The following NBAS variants were observed in gnomAD, a reference collection of about 807,000 sequenced individuals.
NBAS encodes the protein NAG/BC035112 fusion.
In NBAS, 219 loss-of-function variants were observed where a neutral mutation model predicts 302.5. The ratio of observed to expected loss-of-function variants is 0.72; its 90% CI spans 0.65 to 0.81. The LOEUF (loss-of-function observed/expected upper bound fraction) is 0.81, where lower values mean the gene tolerates loss of function less well. Ranked by LOEUF, NBAS falls within the 30% of genes least tolerant of loss-of-function variation. The probability of loss-of-function intolerance (pLI) is 0.00; values close to 1 mark genes in which losing one functional copy is unlikely to be tolerated. For synonymous variants in NBAS, 1,118 were observed against 1,021.6 expected (o/e 1.09, Z -1.80); for missense variants, 2,932 against 2,841.6 (o/e 1.03, Z -0.72).
At chr2:15,306,147 C>T (rs1671026138) in intron 40 of NBAS, among the ~76,000 whole-genome samples, 1 of 152,202 alleles carries the variant, frequency 6.6e-6, no homozygotes. Context: ...TTAATCACTT[C>T]AGTCCCTTAA....
intron 44 of NBAS, among the ~76,000 whole-genome samples, chr2:15,240,673 T>C (rs753982046): frequency 1.3e-5 from 2 of 151,966 alleles, no homozygotes; most frequent in South Asian, 2.1e-4. Context: ...TATATAAATA[T>C]TGATAAAAGA....
chr2:15,380,516 CAATAT>C (rs1380834112), intron 29 of NBAS, among the ~76,000 whole-genome samples: 2 of 152,024 alleles, frequency 1.3e-5, no homozygotes, highest in Non-Finnish European at 2.9e-5. Flanking sequence ...ATTAAAATTA[CAATAT>C]ATTATAATGT....
chr2:15,088,482 C>T, the NBAS span, among the ~76,000 whole-genome samples: 4,493 of 152,266 alleles, frequency 0.03, 119 homozygotes, highest in Admixed American at 0.08. Context: ...GCACTTATTT[C>T]CTCTTCTGTG....
Position 15,170,045 on chromosome 2 carries a change from ACTTT to A in NBAS, c.6841-2726_6841-2723del, listed in dbSNP as rs1325589768. On this transcript the variant is annotated intron_variant, in intron 51 of 51. Coordinates refer to ENST00000281513, the MANE Select transcript of NBAS (RefSeq NM_015909.4). ...CAGAATCTGAACACTGCAGGGCAAT[ACTTT>A]CTTTGTTGCCCTGAATACGTCTTCT... 3.9e-5 allele frequency among the ~76,000 whole-genome samples: 6 copies of A among 152,146 alleles called. No individual in the cohort carries two copies. In the East Asian group the frequency reaches 5.8e-4, roughly 15 times the overall value.
chr2:15,054,985 G>A, the NBAS span, among the ~76,000 whole-genome samples: 1 of 152,170 alleles, frequency 6.6e-6, no homozygotes, highest in Non-Finnish European at 1.5e-5. Flanking sequence ...TTAAAGTCTT[G>A]TGGCAAGGAA....
At chr2:15,461,842 G>A in intron 19 of NBAS, 51 bp from the exon 20 acceptor site, 3 of 995,574 alleles carry the variant, frequency 3.0e-6, no homozygotes, top group Non-Finnish European at 4.7e-6. Context: ...TTTTAAATAT[G>A]GGTGACAAGA....
rs772479026 is a variant in NBAS, at chr2:15,536,596, G to C, written c.514-45C>G. ...TAAGTTACTAAAAAAAAAAAAACTA[G>C]ATAAAAGTTAACACATGCATAATTA... is the stretch of plus-strand genomic sequence containing the variant. On this transcript the variant is annotated intron_variant, in intron 7 of 51. Transcript: ENST00000281513. The C allele has an allele frequency of 3.5e-6, 5 of 1,425,318 alleles. No individual in the cohort carries two copies. In the South Asian group the frequency reaches 4.8e-5, roughly 14 times the overall value. The allele number at this position is 1,425,318 out of a possible 1,614,324, so 88.3% of individuals were successfully genotyped here.
chr2:14,805,602 G>A, the NBAS span, among the ~76,000 whole-genome samples: 1 of 152,206 alleles, frequency 6.6e-6, no homozygotes, highest in African/African-American at 2.4e-5. Context: ...GAGACAAGAA[G>A]AGGAGTAAGT....
the NBAS span, among the ~76,000 whole-genome samples, chr2:14,962,283 C>T: frequency 6.6e-6 from 1 of 152,140 alleles, no homozygotes; most frequent in Non-Finnish European, 1.5e-5. Context: ...CATTAAACAG[C>T]AAGAATAACC....
At chr2:15,173,246 A>G (rs1272950257) in intron 51 of NBAS, among the ~76,000 whole-genome samples, 1 of 152,228 alleles carries the variant, frequency 6.6e-6, no homozygotes, top group African/African-American at 2.4e-5. Context: ...CCAAGCCATT[A>G]AAATGTTATC....
At chr2:15,548,710 G>C (rs12692273) in intron 6 of NBAS, among the ~76,000 whole-genome samples, 96,601 of 151,212 alleles carry the variant, frequency 0.64, 31,571 homozygotes, top group Non-Finnish European at 0.68. Context: ...GATATAGGCA[G>C]AAGCAACTAG....
At chr2:14,850,152 A>G in the NBAS span, among the ~76,000 whole-genome samples, 2 of 135,250 alleles carry the variant, frequency 1.5e-5, no homozygotes, top group East Asian at 3.9e-4. Flanking sequence ...TAAAGAGTCA[A>G]GACCCATCAG....
chr2:14,837,818 C>T, the NBAS span, among the ~76,000 whole-genome samples: 5 of 151,546 alleles, frequency 3.3e-5, no homozygotes, highest in African/African-American at 1.2e-4. Flanking sequence ...AATTTCTTTC[C>T]ACATTGAAAA....
At chr2:15,445,223 C>G (rs1236398145) in intron 21 of NBAS, among the ~76,000 whole-genome samples, 1 of 147,502 alleles carries the variant, frequency 6.8e-6, no homozygotes, top group African/African-American at 2.6e-5. Context: ...TATTGCGGCA[C>G]TATTCACAAT....
chr2:15,187,205 T>C (rs1280863252), intron 49 of NBAS, among the ~76,000 whole-genome samples: 11 of 152,156 alleles, frequency 7.2e-5, no homozygotes, highest in African/African-American at 2.7e-4. Context: ...GTTGTATGGT[T>C]CTGGGGAAGT....
the NBAS span, among the ~76,000 whole-genome samples, chr2:14,968,807 T>C: frequency 2.0e-5 from 3 of 152,212 alleles, no homozygotes; most frequent in African/African-American, 7.2e-5. Context: ...TACTTACATG[T>C]AGAGTTTTAA....
intron 23 of NBAS, among the ~76,000 whole-genome samples, chr2:15,422,375 G>A (rs1356438611): frequency 1.3e-5 from 2 of 152,060 alleles, no homozygotes; most frequent in African/African-American, 4.8e-5. Context: ...CCTACTAAAG[G>A]ACATCTTGAT....
At chr2:15,500,263 A>G (rs1661444606) in intron 11 of NBAS, among the ~76,000 whole-genome samples, 1 of 152,184 alleles carries the variant, frequency 6.6e-6, no homozygotes, top group South Asian at 2.1e-4. Flanking sequence ...TACATTCGAA[A>G]CATTCTGAAG....
rs574457831 is a variant in NBAS at position 15,249,775 on chromosome 2, G to A, written c.5725-11089C>T. 1.6e-4 allele frequency among the ~76,000 whole-genome samples: 24 copies of A among 152,096 alleles called. No homozygotes were observed. The South Asian group carries it at 5.0e-3, about 32-fold the overall frequency. On this transcript the variant is annotated intron_variant, in intron 44 of 51. Coordinates refer to ENST00000281513, the MANE Select transcript of NBAS (RefSeq NM_015909.4). ...AAGGGATGTGAAGGGCCTCTTCAAG[G>A]AGAACTACAAACCACTGCTCAGGAA...
Sources: allele counts gnomAD v4.1 joint callset (sites outside exome capture counted in the v4.1 genomes callset), GRCh38; gene constraint gnomAD v4.1.1; transcripts MANE v1.5; gene names NCBI Gene and HGNC (gene_info 2026-07-23, HGNC 2026-07-21).